Variants in DNAH8 observed in about 807,000 individuals in gnomAD.
DNAH8 encodes dynein axonemal heavy chain 8.
A neutral mutation model predicts 562.1 loss-of-function variants in DNAH8; 382 were observed. That is an observed-to-expected ratio of 0.68 (90% CI 0.63 to 0.74). The LOEUF (loss-of-function observed/expected upper bound fraction) is 0.74. Ranked by LOEUF, DNAH8 falls within the 30% of genes least tolerant of loss-of-function variation. The probability of loss-of-function intolerance (pLI) is 0.00; values close to 1 mark genes in which losing one functional copy is unlikely to be tolerated. For synonymous variants in DNAH8, 1,881 were observed against 1,919.4 expected, an observed-to-expected ratio of 0.98 and a Z score of 0.52; for missense variants, 5,203 against 5,620.4, an observed-to-expected ratio of 0.93 and a Z score of 2.37.
intron 91 of DNAH8, among the ~76,000 whole-genome samples, chr6:39,013,590 G>A (rs1427636740): frequency 2.6e-5 from 4 of 152,178 alleles, no homozygotes; most frequent in African/African-American, 4.8e-5. Flanking sequence ...GATGGCTCAC[G>A]CTTGTAATCC....
At chr6:38,907,295 A>G (rs1174689588) in intron 63 of DNAH8, among the ~76,000 whole-genome samples, 1 of 152,214 alleles carries the variant, frequency 6.6e-6, no homozygotes, top group Non-Finnish European at 1.5e-5. Context: ...GTTTCCATTC[A>G]GGGAAGCCCA....
At position 39,012,646 on chromosome 6, in the gene DNAH8, T is replaced by C; in HGVS notation, c.13714+9T>C. The C allele has an allele frequency of 6.2e-7, 1 of 1,607,160 alleles. No individual in the cohort carries two copies. The highest frequency in any genetic ancestry group is 8.5e-7 in the Non-Finnish European group (1 of 1,173,874). On this transcript the variant is annotated intron_variant, in intron 91 of 92. Transcript: ENST00000327475. ...TTTCTTTAATCCCCAAGGTATGTGC[T>C]CATAGGAGATTTGGCAAGCTTGGAA...
At position 38,886,971 on chromosome 6, in the gene DNAH8, T is replaced by C. The variant is rs1583277971; in HGVS notation, c.8440T>C (p.Leu2814=). 6.2e-7 allele frequency: 1 copy of C among 1,613,840 alleles called. No homozygotes were observed. The highest frequency in any genetic ancestry group is 8.5e-7 in the Non-Finnish European group (1 of 1,179,766). ...KRQFTVFNCT[L]PSNASIDKIF... ...ACAATTTACTGTGTTTAATTGTACA[T>C]TGCCTTCAAATGCTTCAATAGACAA... Residue 2814 remains leucine (L), a synonymous_variant, in exon 57 of 93, where the codon TTG becomes CTG. Coordinates refer to ENST00000327475, the MANE Select transcript of DNAH8 (RefSeq NM_001206927.2).
chr6:38,756,864 G>A (rs1765962432), intron 10 of DNAH8, among the ~76,000 whole-genome samples: 1 of 151,964 alleles, frequency 6.6e-6, no homozygotes, highest in Non-Finnish European at 1.5e-5. Context: ...CGTTTTTTAT[G>A]GCTGCATAGT....
At position 38,775,908 on chromosome 6, in the gene DNAH8, A is replaced by G. The variant is rs1470492374; in HGVS notation, c.1919A>G (p.Asp640Gly). The G allele has an allele frequency of 6.2e-7, 1 of 1,613,158 alleles. No homozygotes were observed. The highest frequency in any genetic ancestry group is 1.7e-5 in the Admixed American group (1 of 60,010). The change falls in exon 13 of 93, where the codon GAC becomes GGC. Residue 640 changes from aspartate (D) to glycine (G), a missense_variant. Transcript: ENST00000327475. The stretch of plus-strand genomic sequence containing the variant: ...CTGGATCCAAGAAGGACAGAATTTG[A>G]CACAGATTTCTTAGATTTCATGACA... ...DILDPRRTEF[D>G]TDFLDFMTKI... is the part of the protein sequence containing the mutation.
intron 11 of DNAH8, among the ~76,000 whole-genome samples, chr6:38,769,638 A>G (rs1040116026): frequency 7.9e-5 from 12 of 152,306 alleles, no homozygotes; most frequent in African/African-American, 2.2e-4. Flanking sequence ...GAACCTATCC[A>G]TAGGTTATGT....
chr6:38,848,407 G>A (rs1775465579), intron 36 of DNAH8, among the ~76,000 whole-genome samples: 1 of 152,050 alleles, frequency 6.6e-6, no homozygotes, highest in Non-Finnish European at 1.5e-5. Flanking sequence ...ATAAAACTAG[G>A]CCCATTCTCC....
intron 48 of DNAH8, among the ~76,000 whole-genome samples, chr6:38,868,675 ATT>A (rs11398061): frequency 2.0e-5 from 3 of 146,866 alleles, no homozygotes; most frequent in African/African-American, 5.0e-5. Context: ...TTACAGCCTG[ATT>A]TTTTTTTTTT....
chr6:38,942,932 C>A (rs1320242488), intron 79 of DNAH8, among the ~76,000 whole-genome samples: 1 of 152,166 alleles, frequency 6.6e-6, no homozygotes, highest in African/African-American at 2.4e-5. Context: ...AGAAACACGG[C>A]AACACAGTGG....
chr6:38,954,202 G>A (rs540137066), intron 82 of DNAH8, among the ~76,000 whole-genome samples: 6 of 152,144 alleles, frequency 3.9e-5, no homozygotes, highest in Admixed American at 6.5e-5. Flanking sequence ...GGTTTAGCAC[G>A]AGAGCCTTTC....
intron 12 of DNAH8, among the ~76,000 whole-genome samples, chr6:38,775,388 G>A (rs1210445555): frequency 6.6e-6 from 1 of 152,190 alleles, no homozygotes; most frequent in Non-Finnish European, 1.5e-5. Flanking sequence ...GGGCCAAACA[G>A]CATGGTGGAG....
intron 86 of DNAH8, 43 bp downstream of exon 86, chr6:38,982,505 T>C: frequency 9.6e-7 from 1 of 1,038,452 alleles, no homozygotes; most frequent in Non-Finnish European, 1.5e-6. Flanking sequence ...ATTGCTCTTC[T>C]TAAATCAGGG....
intron 79 of DNAH8, among the ~76,000 whole-genome samples, chr6:38,944,999 TAACCCTAACCTTAACCCC>T (rs1783749544): frequency 6.6e-6 from 1 of 151,786 alleles, no homozygotes; most frequent in Non-Finnish European, 1.5e-5. Flanking sequence ...ACCCTAACCC[TAACCCTAACCTTAACCCC>T]AACCCTAACC....
rs185117089 is a variant in DNAH8, at chr6:38,723,085, G to C, written c.276G>C (p.Pro92=). The C allele has an allele frequency of 6.2e-7, 1 of 1,612,876 alleles. No individual in the cohort carries two copies. Residue 92 remains proline, a synonymous_variant, in exon 2 of 93, where the codon CCG becomes CCC. Coordinates refer to ENST00000327475, the MANE Select transcript of DNAH8 (RefSeq NM_001206927.2). The part of the protein sequence containing the change: ...NRVRQRLAPR[P]VQSVISEVLS... ...TTCGACAGAGGCTTGCACCGCGACC[G>C]GTTCAGTCAGTGATTTCGGAAGTGC...
chr6:38,737,885 T>C lies in DNAH8; in HGVS notation c.1029T>C (p.Phe343=). ...TTAATTTTTCCAAACTGCACACCTT[T>C]GAAGAAGTAACTGCTGCAGCCAGCA... is the stretch of plus-strand genomic sequence containing the variant. ...DNVNFSKLHT[F]EEVTAAASNS... Residue 343 remains phenylalanine (F), a synonymous_variant, in exon 7 of 93, where the codon TTT becomes TTC. Coordinates refer to ENST00000327475, the MANE Select transcript of DNAH8 (RefSeq NM_001206927.2). 6.2e-7 allele frequency: 1 copy of C among 1,604,406 alleles called. No homozygotes were observed. Among genetic ancestry groups the C allele is most frequent in the Non-Finnish European group, 8.5e-7 (1 of 1,176,534 alleles).
chr6:38,755,933 T>C lies in DNAH8; in HGVS notation c.1408-39T>C, dbSNP rs200842165. 81 of 1,066,836 alleles carry C rather than the reference T, an allele frequency of 7.6e-5. No individual in the cohort carries two copies. The African/African-American group carries it at 7.9e-4, about 10-fold the overall frequency. The allele number at this position is 1,066,836 out of a possible 1,614,324, so 66.1% of individuals were successfully genotyped here. The stretch of plus-strand genomic sequence containing the variant: ...TAGAATATTGGTTATTAAAACTATA[T>C]GCATATGATGGAATTCACTTAATTT... On this transcript the variant is annotated intron_variant, in intron 9 of 92. Coordinates refer to ENST00000327475, the MANE Select transcript of DNAH8 (RefSeq NM_001206927.2).
chr6:38,731,282 C>T (rs1285477967), intron 4 of DNAH8, among the ~76,000 whole-genome samples: 1 of 152,178 alleles, frequency 6.6e-6, no homozygotes, highest in Non-Finnish European at 1.5e-5. Context: ...GGAGAAAGCA[C>T]TGTTAACTCC....
chr6:38,834,067 T>C (rs945941723), intron 31 of DNAH8, among the ~76,000 whole-genome samples: 1 of 152,222 alleles, frequency 6.6e-6, no homozygotes, highest in Admixed American at 6.5e-5. Flanking sequence ...TTCTTCCAAA[T>C]ATTCAATTTA....
At chr6:38,782,691 T>G (rs751920190) in intron 16 of DNAH8, among the ~76,000 whole-genome samples, 3 of 152,216 alleles carry the variant, frequency 2.0e-5, no homozygotes, top group African/African-American at 2.4e-5. Flanking sequence ...AATTATATCT[T>G]GTCCAGAACA....
Sources: allele counts gnomAD v4.1 joint callset (sites outside exome capture counted in the v4.1 genomes callset), GRCh38; gene constraint gnomAD v4.1.1; transcripts MANE v1.5; gene names NCBI Gene and HGNC (gene_info 2026-07-23, HGNC 2026-07-21).